Variants in GABRB2 observed in about 807,000 individuals in gnomAD.
GABRB2 encodes the protein gamma-aminobutyric acid type A receptor subunit beta2.
Under a neutral mutation model 54.7 loss-of-function variants are expected in GABRB2, and 16 were observed. The observed-to-expected ratio is 0.29, with a 90% CI of 0.20 to 0.44. The LOEUF is 0.44. Ranked by LOEUF, GABRB2 falls within the 20% of genes least tolerant of loss-of-function variation. GABRB2 has a pLI of 1.00. For missense variants in GABRB2, 355 were observed against 644.0 expected (o/e 0.55, Z 4.86); for synonymous variants, 244 against 233.8 (o/e 1.04, Z -0.40).
intron 2 of GABRB2, 60 bp from the exon 3 acceptor site, chr5:161,545,354 G>A: frequency 1.5e-6 from 2 of 1,345,024 alleles, no homozygotes; most frequent in Non-Finnish European, 2.0e-6. Context: ...CTCAGCAAGA[G>A]TTATCCCTGA....
intron 9 of GABRB2, among the ~76,000 whole-genome samples, chr5:161,311,538 G>C (rs373485485): frequency 6.6e-6 from 1 of 152,290 alleles, no homozygotes; most frequent in East Asian, 1.9e-4. Flanking sequence ...TAGGTTTCCT[G>C]TTCTTAAACC....
chr5:161,424,689 A>G (rs535419540), intron 4 of GABRB2, among the ~76,000 whole-genome samples: 1 of 152,258 alleles, frequency 6.6e-6, no homozygotes, highest in East Asian at 1.9e-4. Flanking sequence ...TGCTACCATG[A>G]CATCCATTCT....
intron 3 of GABRB2, among the ~76,000 whole-genome samples, chr5:161,514,543 G>A (rs1174011640): frequency 6.6e-6 from 1 of 152,018 alleles, no homozygotes; most frequent in Non-Finnish European, 1.5e-5. Context: ...GAAAACAAGA[G>A]ATTTGCCTTT....
chr5:161,459,877 T>C (rs761906396), intron 3 of GABRB2, 33 bp from the exon 4 acceptor site: 7 of 1,338,476 alleles, frequency 5.2e-6, no homozygotes, highest in Non-Finnish European at 7.5e-6. Context: ...CATGGTTAGT[T>C]TACACCCAGA....
chr5:161,369,856 G>A (rs1346784536), intron 5 of GABRB2, among the ~76,000 whole-genome samples: 1 of 152,102 alleles, frequency 6.6e-6, no homozygotes, highest in Non-Finnish European at 1.5e-5. Context: ...TTCTTACTGT[G>A]CATCTAACTT....
At chr5:161,395,242 A>T (rs1755958735) in intron 5 of GABRB2, among the ~76,000 whole-genome samples, 1 of 152,128 alleles carries the variant, frequency 6.6e-6, no homozygotes, top group African/African-American at 2.4e-5. Context: ...TAGCCTTACA[A>T]AACACAATAG....
chr5:161,503,425 C>A (rs1759507420), intron 3 of GABRB2, among the ~76,000 whole-genome samples: 1 of 152,040 alleles, frequency 6.6e-6, no homozygotes, highest in South Asian at 2.1e-4. Flanking sequence ...TTGGTTTAAA[C>A]TTCCAAATAG....
At chr5:161,450,929 T>C (rs1346815585) in intron 4 of GABRB2, among the ~76,000 whole-genome samples, 3 of 152,162 alleles carry the variant, frequency 2.0e-5, no homozygotes, top group African/African-American at 7.2e-5. Flanking sequence ...GGTTCTCACA[T>C]TCTGTCCAGA....
intron 3 of GABRB2, among the ~76,000 whole-genome samples, chr5:161,477,054 T>C (rs1250046677): frequency 6.6e-6 from 1 of 151,836 alleles, no homozygotes; most frequent in Non-Finnish European, 1.5e-5. Flanking sequence ...ATATACAGGA[T>C]ATATTTTTAA....
chr5:161,373,916 CTTCT>C (rs1015080389), intron 5 of GABRB2, among the ~76,000 whole-genome samples: 10 of 148,948 alleles, frequency 6.7e-5, no homozygotes, highest in Non-Finnish European at 1.5e-5. Context: ...GTCTTCTCGT[CTTCT>C]TTATTTTATT....
At chr5:161,380,256 TA>T (rs1262979315) in intron 5 of GABRB2, among the ~76,000 whole-genome samples, 5 of 152,132 alleles carry the variant, frequency 3.3e-5, no homozygotes, top group Non-Finnish European at 5.9e-5. Flanking sequence ...CACAACTCCA[TA>T]ATACTACAAT....
intron 4 of GABRB2, among the ~76,000 whole-genome samples, chr5:161,443,979 C>G (rs1416038519): frequency 6.6e-6 from 1 of 152,164 alleles, no homozygotes; most frequent in Non-Finnish European, 1.5e-5. Flanking sequence ...ATTATCACAT[C>G]ATAAGCCTTG....
chr5:161,307,388 AAAT>A (rs1375631910), intron 9 of GABRB2, among the ~76,000 whole-genome samples: 3 of 152,236 alleles, frequency 2.0e-5, no homozygotes, highest in Non-Finnish European at 1.5e-5. Flanking sequence ...ATATCTGCTG[AAAT>A]AATAATATAA....
intron 3 of GABRB2, among the ~76,000 whole-genome samples, chr5:161,504,656 C>A (rs1331697458): frequency 1.4e-5 from 2 of 146,946 alleles, no homozygotes; most frequent in African/African-American, 2.5e-5. Context: ...AAAAGAAATG[C>A]AAATTAAGCA....
chr5:161,417,633 T>G (rs2113135184), intron 4 of GABRB2, among the ~76,000 whole-genome samples: 1 of 152,326 alleles, frequency 6.6e-6, no homozygotes, highest in Middle Eastern at 3.4e-3. Flanking sequence ...CCTTGTATAT[T>G]TTGTAATTTT....
At chr5:161,391,366 A>G (rs561647670) in intron 5 of GABRB2, among the ~76,000 whole-genome samples, 40 of 152,172 alleles carry the variant, frequency 2.6e-4, no homozygotes, top group Non-Finnish European at 4.7e-4. Context: ...CAATTTAACG[A>G]GACAGGTTTT....
intron 5 of GABRB2, among the ~76,000 whole-genome samples, chr5:161,403,062 A>T (rs1478483082): frequency 2.6e-5 from 4 of 152,082 alleles, no homozygotes; most frequent in African/African-American, 4.8e-5. Flanking sequence ...GTGCCCATGG[A>T]TCTGCCAGAC....
At chr5:161,509,270 A>G (rs1759694450) in intron 3 of GABRB2, among the ~76,000 whole-genome samples, 1 of 152,030 alleles carries the variant, frequency 6.6e-6, no homozygotes, top group African/African-American at 2.4e-5. Context: ...AATATTTTGT[A>G]AGATAAAAAA....
At chr5:161,500,834 T>G (rs1561673192) in intron 3 of GABRB2, among the ~76,000 whole-genome samples, 2 of 152,164 alleles carry the variant, frequency 1.3e-5, no homozygotes, top group South Asian at 4.1e-4. Flanking sequence ...TCTTGATTTT[T>G]TTTTCTTTTA....
Sources: gnomAD v4.1 joint callset for allele counts (sites outside exome capture counted in the v4.1 genomes callset) on GRCh38, gnomAD v4.1.1 for gene constraint, MANE v1.5 for transcripts, NCBI Gene and HGNC (gene_info 2026-07-23, HGNC 2026-07-21) for gene names.